The following EPHB1 variants were observed in gnomAD, a reference collection of about 807,000 sequenced individuals.
The protein encoded by EPHB1 is EPH receptor B1, also known as ephrin type-B receptor 1.
Under a neutral mutation model 94.4 loss-of-function variants are expected in EPHB1, and 30 were observed. The ratio of observed to expected loss-of-function variants is 0.32; its 90% CI spans 0.24 to 0.43. The LOEUF is 0.43. Ranked by LOEUF, EPHB1 falls within the 20% of genes least tolerant of loss-of-function variation. EPHB1 has a pLI of 1.00. For synonymous variants in EPHB1, 522 were observed against 489.1 expected, an observed-to-expected ratio of 1.07 and a Z score of -0.89; for missense variants, 1,055 against 1,308.3, an observed-to-expected ratio of 0.81 and a Z score of 2.99.
intron 1 of EPHB1, among the ~76,000 whole-genome samples, chr3:134,913,675 G>A (rs1419752089): frequency 2.0e-5 from 3 of 152,212 alleles, no homozygotes; most frequent in Admixed American, 6.5e-5. Context: ...TCAAGGGGTC[G>A]AGGGCAGGGT....
intron 1 of EPHB1, among the ~76,000 whole-genome samples, chr3:134,914,181 C>T (rs969482081): frequency 5.3e-5 from 8 of 152,188 alleles, no homozygotes; most frequent in African/African-American, 1.7e-4. Context: ...GGATTGGAGA[C>T]TCAGTGGCCA....
chr3:135,083,661 A>T (rs1452974324), intron 3 of EPHB1, among the ~76,000 whole-genome samples: 8 of 151,966 alleles, frequency 5.3e-5, no homozygotes, highest in Admixed American at 1.3e-4. Context: ...CAGGCTGAGG[A>T]GGTGCAGGTA....
chr3:134,834,261 A>G (rs1454629124), intron 1 of EPHB1, among the ~76,000 whole-genome samples: 1 of 152,178 alleles, frequency 6.6e-6, no homozygotes, highest in African/African-American at 2.4e-5. Context: ...ATAAATACAT[A>G]TTTGTTGCAG....
At chr3:134,959,281 G>C (rs769966620) in intron 3 of EPHB1, among the ~76,000 whole-genome samples, 2 of 152,088 alleles carry the variant, frequency 1.3e-5, no homozygotes, top group African/African-American at 4.8e-5. Context: ...CTGAGAGACT[G>C]CCTCATTTAT....
chr3:134,965,300 A>T (rs1285493213), intron 3 of EPHB1, among the ~76,000 whole-genome samples: 1 of 152,238 alleles, frequency 6.6e-6, no homozygotes, highest in Non-Finnish European at 1.5e-5. Flanking sequence ...TGAATTTTAC[A>T]TACCTGATGA....
At chr3:135,015,956 G>T (rs1165547228) in intron 3 of EPHB1, among the ~76,000 whole-genome samples, 1 of 152,192 alleles carries the variant, frequency 6.6e-6, no homozygotes, top group African/African-American at 2.4e-5. Context: ...ATAGGACCAT[G>T]GGCTGGAAGT....
intron 10 of EPHB1, among the ~76,000 whole-genome samples, chr3:135,191,048 A>G (rs1559868575): frequency 6.6e-6 from 1 of 151,642 alleles, no homozygotes; most frequent in Non-Finnish European, 1.5e-5. Context: ...CGAGTATAGC[A>G]TGAGCAACAT....
chr3:134,845,272 G>A (rs2036852041), intron 1 of EPHB1, among the ~76,000 whole-genome samples: 1 of 152,050 alleles, frequency 6.6e-6, no homozygotes, highest in Non-Finnish European at 1.5e-5. Context: ...TAGTTTTTTT[G>A]TAACTATTAA....
chr3:135,161,318 A>T (rs573750488), intron 6 of EPHB1, among the ~76,000 whole-genome samples: 232 of 152,004 alleles, frequency 1.5e-3, no homozygotes, highest in African/African-American at 5.4e-3. Context: ...GGTGGGGGGG[A>T]TGAGGACACA....
chr3:134,958,579 C>T (rs1318106631), intron 3 of EPHB1, among the ~76,000 whole-genome samples: 1 of 152,136 alleles, frequency 6.6e-6, no homozygotes, highest in Non-Finnish European at 1.5e-5. Flanking sequence ...TCCAGGGAGA[C>T]CGGCTGTGTT....
At chr3:135,077,722 G>C (rs1937991704) in intron 3 of EPHB1, among the ~76,000 whole-genome samples, 1 of 152,190 alleles carries the variant, frequency 6.6e-6, no homozygotes, top group Non-Finnish European at 1.5e-5. Flanking sequence ...GGAGGGACTA[G>C]AGCCGACCCA....
At chr3:134,882,708 C>T (rs1436777032) in intron 1 of EPHB1, among the ~76,000 whole-genome samples, 2 of 148,442 alleles carry the variant, frequency 1.3e-5, no homozygotes, top group Non-Finnish European at 3.0e-5. Flanking sequence ...TCTTTCCTTC[C>T]TTCCTTCTTT....
At chr3:135,032,839 G>C (rs1936523400) in intron 3 of EPHB1, among the ~76,000 whole-genome samples, 1 of 152,190 alleles carries the variant, frequency 6.6e-6, no homozygotes, top group Admixed American at 6.5e-5. Flanking sequence ...TGACAAAGAA[G>C]CTCATGTAGC....
At chr3:135,235,983 C>T (rs888097954) in intron 12 of EPHB1, among the ~76,000 whole-genome samples, 6 of 152,144 alleles carry the variant, frequency 3.9e-5, no homozygotes, top group South Asian at 2.1e-4. Context: ...GATGGTTCTG[C>T]CACCTAGGAA....
At chr3:135,100,309 C>T (rs1938989208) in intron 3 of EPHB1, among the ~76,000 whole-genome samples, 2 of 152,028 alleles carry the variant, frequency 1.3e-5, no homozygotes, top group South Asian at 4.2e-4. Context: ...TAACACGCAC[C>T]CTCCACATCT....
At chr3:134,868,326 G>A (rs2037423419) in intron 1 of EPHB1, among the ~76,000 whole-genome samples, 1 of 152,164 alleles carries the variant, frequency 6.6e-6, no homozygotes. Flanking sequence ...ATAGATGGGG[G>A]CACCACTGCC....
At position 134,947,187 on chromosome 3, in the gene EPHB1, T is replaced by C. The variant is rs537795423; in HGVS notation, c.124-4184T>C. On this transcript the variant is annotated intron_variant, in intron 2 of 15. Coordinates refer to ENST00000398015, the MANE Select transcript of EPHB1 (RefSeq NM_004441.5). Reference sequence around the variant, plus strand: ...TCAGTAGACATTTTTTTTTCATTGATGAATGAATGAGGTATAAATATAAAG... The same window carrying C: ...TCAGTAGACATTTTTTTTTCATTGACGAATGAATGAGGTATAAATATAAAG... 1.4e-4 allele frequency among the ~76,000 whole-genome samples: 22 copies of C among 152,302 alleles called. No homozygotes were observed. The South Asian group carries it at 2.3e-3, about 16-fold the overall frequency.
rs988728426 is a variant in EPHB1 at position 135,176,838 on chromosome 3, T to C, written c.1760-3022T>C. The stretch of plus-strand genomic sequence containing the variant: ...TTACCGCATATTCTAGATTGTTTAA[T>C]TAATTTCCATGGAAGAGTTCCTGTA... On this transcript the variant is annotated intron_variant, in intron 9 of 15. Transcript: ENST00000398015. 3.9e-5 allele frequency among the ~76,000 whole-genome samples: 6 copies of C among 152,378 alleles called. 1 individual carries two copies. The highest frequency in any genetic ancestry group is 1.4e-4 in the African/African-American group (6 of 41,588).
intron 3 of EPHB1, among the ~76,000 whole-genome samples, chr3:134,967,681 C>T (rs1321096200): frequency 6.6e-6 from 1 of 152,172 alleles, no homozygotes; most frequent in African/African-American, 2.4e-5. Flanking sequence ...AACTCCCAGC[C>T]TTCAGAACTG....
Sources: allele counts gnomAD v4.1 joint callset (sites outside exome capture counted in the v4.1 genomes callset), GRCh38; gene constraint gnomAD v4.1.1; transcripts MANE v1.5; gene names NCBI Gene and HGNC (gene_info 2026-07-23, HGNC 2026-07-21).